DAPK1: variants seen among roughly 807,000 people sequenced by gnomAD.
The protein encoded by DAPK1 is death-associated protein kinase 1.
DAPK1 carries 56 observed loss-of-function variants against 144.9 expected under a neutral mutation model. That is an observed-to-expected ratio of 0.39 (90% CI 0.31 to 0.48). The LOEUF (loss-of-function observed/expected upper bound fraction) is 0.48. DAPK1 is among the 20% of genes least tolerant of loss of function. The probability of loss-of-function intolerance (pLI) is 0.95; values close to 1 mark genes in which losing one functional copy is unlikely to be tolerated. For synonymous variants in DAPK1, 690 were observed against 749.0 expected, an observed-to-expected ratio of 0.92 and a Z score of 1.29; for missense variants, 1,454 against 1,875.4, an observed-to-expected ratio of 0.78 and a Z score of 4.15.
chr9:87,565,849 C>T (rs943191696), intron 2 of DAPK1, among the ~76,000 whole-genome samples: 1 of 152,138 alleles, frequency 6.6e-6, no homozygotes, highest in African/African-American at 2.4e-5. Flanking sequence ...AAGCTCTTTA[C>T]ATGTATTATC....
intron 2 of DAPK1, among the ~76,000 whole-genome samples, chr9:87,603,097 G>A (rs1265932083): frequency 6.6e-5 from 10 of 152,128 alleles, no homozygotes; most frequent in Admixed American, 5.9e-4. Flanking sequence ...TTGGTTGGCT[G>A]GGCTGGGCTG....
At chr9:87,693,917 G>C (rs1462796624) in intron 21 of DAPK1, among the ~76,000 whole-genome samples, 1 of 152,158 alleles carries the variant, frequency 6.6e-6, no homozygotes, top group Non-Finnish European at 1.5e-5. Flanking sequence ...CTGGAGATGG[G>C]GATACCACGT....
intron 2 of DAPK1, among the ~76,000 whole-genome samples, chr9:87,522,259 T>G (rs775421736): frequency 6.6e-6 from 1 of 152,222 alleles, no homozygotes; most frequent in Non-Finnish European, 1.5e-5. Flanking sequence ...AAATGAAATA[T>G]GTAATACATT....
intron 2 of DAPK1, among the ~76,000 whole-genome samples, chr9:87,517,552 A>G (rs905424531): frequency 6.6e-6 from 1 of 152,098 alleles, no homozygotes; most frequent in African/African-American, 2.4e-5. Flanking sequence ...CTATTGTCTG[A>G]TGATCATTTC....
At chr9:87,562,303 G>A (rs1006174730) in intron 2 of DAPK1, among the ~76,000 whole-genome samples, 3 of 152,216 alleles carry the variant, frequency 2.0e-5, no homozygotes, top group Non-Finnish European at 4.4e-5. Context: ...GTTAGTTGGA[G>A]CCTTGTCCTC....
intron 22 of DAPK1, 132 bp from the exon 23 acceptor site, chr9:87,698,524 C>A (rs1825339301): frequency 1.5e-6 from 1 of 676,856 alleles, no homozygotes; most frequent in Admixed American, 2.3e-5. Context: ...GGGCCTTCAT[C>A]TCTGTGGCAT....
intron 24 of DAPK1, among the ~76,000 whole-genome samples, chr9:87,701,055 A>T (rs116682237): frequency 0.023 from 3,521 of 152,320 alleles, 141 homozygotes; most frequent in African/African-American, 0.075. Flanking sequence ...ATTTCCATGG[A>T]AAAATTCATT....
chr9:87,620,074 G>T (rs1370898036), intron 3 of DAPK1, among the ~76,000 whole-genome samples: 1 of 152,110 alleles, frequency 6.6e-6, no homozygotes, highest in Non-Finnish European at 1.5e-5. Context: ...CCTCTGGTGG[G>T]GGCAGATCTC....
chr9:87,505,416 G>A (rs972183217), intron 2 of DAPK1, among the ~76,000 whole-genome samples: 1 of 152,174 alleles, frequency 6.6e-6, no homozygotes, highest in Non-Finnish European at 1.5e-5. Flanking sequence ...GTTTTTTTGA[G>A]ACGGAGTCTC....
At chr9:87,639,134 T>TC (rs138824377) in intron 4 of DAPK1, among the ~76,000 whole-genome samples, 1,544 of 152,200 alleles carry the variant, frequency 0.01, 27 homozygotes, top group African/African-American at 0.035. Context: ...TTTCCTGGTG[T>TC]CCCCTCCCAC....
At chr9:87,696,063 G>A (rs1044896485) in intron 21 of DAPK1, among the ~76,000 whole-genome samples, 1 of 152,112 alleles carries the variant, frequency 6.6e-6, no homozygotes, top group Non-Finnish European at 1.5e-5. Context: ...TCACACTTCT[G>A]CGTAATATGA....
Position 87,514,200 on chromosome 9 carries a change from C to T in DAPK1, c.62+15061C>T, listed in dbSNP as rs1204278936. ...CTGCACCTAGTGGGCAAAGAAAACA[C>T]CCCTGTGGAATGAGATGAGAGAAGA... On this transcript the variant is annotated intron_variant, in intron 2 of 25. Transcript: ENST00000408954. Among the ~76,000 whole-genome samples, 4 of 152,030 alleles carry T rather than the reference C, an allele frequency of 2.6e-5. No homozygotes were observed. The East Asian group carries it at 7.7e-4, about 29-fold the overall frequency.
At chr9:87,698,351 A>T in intron 22 of DAPK1, 1 of 265,366 alleles carries the variant, frequency 3.8e-6, no homozygotes, top group Non-Finnish European at 7.2e-6. Context: ...TCACAGGTTA[A>T]ATTTTCCCTC....
chr9:87,700,097 G>T lies in DAPK1; in HGVS notation c.2751-20G>T. ...GGGGACATTGACTCACTGCTGAGGA[G>T]GCTGCTGCTCTTCCCTTAGGTTTGG... On this transcript the variant is annotated intron_variant, in intron 23 of 25. Transcript: ENST00000408954. The T allele has an allele frequency of 1.9e-6, 3 of 1,607,874 alleles. No homozygotes were observed. The highest frequency in any genetic ancestry group is 2.6e-6 in the Non-Finnish European group (3 of 1,174,452).
chr9:87,659,958 A>G (rs574053864), intron 18 of DAPK1, among the ~76,000 whole-genome samples: 2 of 152,288 alleles, frequency 1.3e-5, no homozygotes, highest in East Asian at 3.9e-4. Flanking sequence ...ATAGCCGTCA[A>G]TTACAGTCAC....
chr9:87,668,313 G>A (rs186358215), intron 18 of DAPK1: 1 of 405,668 alleles, frequency 2.5e-6, no homozygotes, highest in East Asian at 4.9e-5. Flanking sequence ...AGCTGAGGAG[G>A]CTGTTGAGTT....
Position 87,631,602 on chromosome 9 carries a change from C to T in DAPK1, c.285-6341C>T, listed in dbSNP as rs117701018. The stretch of plus-strand genomic sequence containing the variant: ...GAGGTTAACTTGCTTTCTAAATCTG[C>T]TGCACAGACTGCTCATCTCTCCTTC... On this transcript the variant is annotated intron_variant, in intron 3 of 25. Coordinates refer to ENST00000408954, the MANE Select transcript of DAPK1 (RefSeq NM_004938.4). Among the ~76,000 whole-genome samples, 48 of 152,346 alleles carry T rather than the reference C, an allele frequency of 3.2e-4. No homozygotes were observed. In the East Asian group the frequency reaches 6.4e-3, roughly 20 times the overall value.
chr9:87,702,623 G>A (rs1927978), intron 24 of DAPK1, among the ~76,000 whole-genome samples: 56,532 of 151,964 alleles, frequency 0.37, 11,866 homozygotes, highest in Middle Eastern at 0.58. Flanking sequence ...TTCCAAAAAC[G>A]TTCCTAGAAG....
chr9:87,680,611 A>G (rs1414559638), intron 19 of DAPK1, among the ~76,000 whole-genome samples: 1 of 151,618 alleles, frequency 6.6e-6, no homozygotes, highest in Non-Finnish European at 1.5e-5. Flanking sequence ...TGTTTTTCTG[A>G]TAAATTTCTA....
Sources: gnomAD v4.1 joint callset for allele counts (sites outside exome capture counted in the v4.1 genomes callset) on GRCh38, gnomAD v4.1.1 for gene constraint, MANE v1.5 for transcripts, NCBI Gene and HGNC (gene_info 2026-07-23, HGNC 2026-07-21) for gene names.